The following SNX29 variants were observed in gnomAD, a reference collection of about 807,000 sequenced individuals.
SNX29 encodes the protein sorting nexin 29.
SNX29 carries 78 observed loss-of-function variants against 102.1 expected under a neutral mutation model. The observed-to-expected ratio is 0.76, with a 90% CI of 0.64 to 0.92. The LOEUF is 0.92. Among genes scored for constraint, SNX29 ranks in the 40% least tolerant of loss-of-function variants. The probability of loss-of-function intolerance (pLI) is 0.00; values close to 1 mark genes in which losing one functional copy is unlikely to be tolerated. For missense variants in SNX29, 1,280 were observed against 1,061.7 expected, an observed-to-expected ratio of 1.21 and a Z score of -2.86; for synonymous variants, 580 against 414.5, an observed-to-expected ratio of 1.40 and a Z score of -4.85.
At chr16:12,435,974 A>G (rs2085517774) in intron 18 of SNX29, among the ~76,000 whole-genome samples, 1 of 152,152 alleles carries the variant, frequency 6.6e-6, no homozygotes, top group Non-Finnish European at 1.5e-5. Flanking sequence ...CCGTAGGCCC[A>G]GGGTCTGGGC....
intron 13 of SNX29, among the ~76,000 whole-genome samples, chr16:12,146,828 C>A (rs750837518): frequency 6.6e-6 from 1 of 152,180 alleles, no homozygotes; most frequent in African/African-American, 2.4e-5. Flanking sequence ...ATGGGAGCAC[C>A]TTCTCAAACA....
intron 13 of SNX29, among the ~76,000 whole-genome samples, chr16:12,180,490 CT>C (rs895306521): frequency 4.5e-4 from 65 of 145,410 alleles, no homozygotes; most frequent in Non-Finnish European, 2.9e-4. Flanking sequence ...TTCTCTGTCT[CT>C]TTTTTTTTTT....
At chr16:12,206,049 C>A (rs556040393) in intron 14 of SNX29, among the ~76,000 whole-genome samples, 58 of 152,308 alleles carry the variant, frequency 3.8e-4, no homozygotes, top group Admixed American at 1.5e-3. Flanking sequence ...ATGTGCATCA[C>A]CCCCATGTAA....
At chr16:12,464,942 C>CTA (rs908835039) in intron 18 of SNX29, among the ~76,000 whole-genome samples, 1 of 152,202 alleles carries the variant, frequency 6.6e-6, no homozygotes, top group Non-Finnish European at 1.5e-5. Context: ...AAGGGCCATC[C>CTA]TAACAGGTGT....
At chr16:12,146,739 C>G (rs1481604603) in intron 13 of SNX29, among the ~76,000 whole-genome samples, 1 of 152,086 alleles carries the variant, frequency 6.6e-6, no homozygotes, top group Non-Finnish European at 1.5e-5. Context: ...GCTCGTTTTT[C>G]TTTTGGGATT....
intron 1 of SNX29, among the ~76,000 whole-genome samples, chr16:11,979,784 G>C (rs2150957656): frequency 6.6e-6 from 1 of 152,044 alleles, no homozygotes; most frequent in South Asian, 2.1e-4. Flanking sequence ...GAGTTTCGCT[G>C]TGTTGGCCAG....
At chr16:12,036,671 G>A (rs545946941) in intron 4 of SNX29, among the ~76,000 whole-genome samples, 22 of 152,060 alleles carry the variant, frequency 1.4e-4, no homozygotes, top group East Asian at 5.8e-4. Flanking sequence ...TTGTTGTTGA[G>A]CAATGCTTTG....
intron 20 of SNX29, among the ~76,000 whole-genome samples, chr16:12,554,651 TTG>T (rs1235967445): frequency 6.6e-6 from 1 of 152,226 alleles, no homozygotes; most frequent in African/African-American, 2.4e-5. Flanking sequence ...TTTCACCAGT[TTG>T]TGCATTTGCT....
chr16:12,368,255 A>G (rs1446263647), intron 16 of SNX29, among the ~76,000 whole-genome samples: 1 of 152,184 alleles, frequency 6.6e-6, no homozygotes, highest in Non-Finnish European at 1.5e-5. Context: ...GGAACTTTAC[A>G]CTTCCCTGAA....
At chr16:12,551,272 C>A (rs868290936) in intron 20 of SNX29, among the ~76,000 whole-genome samples, 1 of 152,160 alleles carries the variant, frequency 6.6e-6, no homozygotes, top group Non-Finnish European at 1.5e-5. Context: ...GGTTCAGACA[C>A]CGTCAAATGT....
In SNX29 at chr16:12,415,671, G is replaced by A. The variant is rs2084600927; in HGVS notation, c.2037+12142G>A. The stretch of plus-strand genomic sequence containing the variant: ...AGGATGTTACCTCCCACATCCAGGG[G>A]AGGAAGTGAGGCCTGGTGAGCGGAC... On this transcript the variant is annotated intron_variant, in intron 18 of 20. Coordinates refer to ENST00000566228, the MANE Select transcript of SNX29 (RefSeq NM_032167.5). Among the ~76,000 whole-genome samples the A allele has an allele frequency of 3.9e-5, 6 of 152,180 alleles. No homozygotes were observed. In the South Asian group the frequency reaches 1.2e-3, roughly 32 times the overall value.
chr16:12,521,446 C>G (rs1046342833), intron 19 of SNX29, among the ~76,000 whole-genome samples: 2 of 151,966 alleles, frequency 1.3e-5, no homozygotes, highest in South Asian at 2.1e-4. Flanking sequence ...AATTCTCTAA[C>G]CTTCATTTTG....
chr16:11,999,485 C>A, intron 2 of SNX29, 127 bp downstream of exon 2: 1 of 911,026 alleles, frequency 1.1e-6, no homozygotes, highest in Non-Finnish European at 1.7e-6. Flanking sequence ...GTGAAGTGAT[C>A]TACTCATTTT....
chr16:12,038,553 G>T (rs1203477057), intron 4 of SNX29, among the ~76,000 whole-genome samples: 1 of 152,186 alleles, frequency 6.6e-6, no homozygotes, highest in African/African-American at 2.4e-5. Context: ...TACGGACACC[G>T]CAGGCGCTAA....
At chr16:12,322,958 G>A (rs2080994093) in intron 15 of SNX29, among the ~76,000 whole-genome samples, 1 of 116,344 alleles carries the variant, frequency 8.6e-6, no homozygotes, top group African/African-American at 4.2e-5. Flanking sequence ...TGGAGTCACC[G>A]GGGACCACTG....
At chr16:12,175,670 C>T (rs893915643) in intron 13 of SNX29, among the ~76,000 whole-genome samples, 3 of 146,948 alleles carry the variant, frequency 2.0e-5, no homozygotes, top group Non-Finnish European at 3.0e-5. Context: ...AAAAAAAGTA[C>T]GGGGCTGTAA....
intron 9 of SNX29, among the ~76,000 whole-genome samples, chr16:12,062,726 G>T (rs562846399): frequency 6.6e-6 from 1 of 152,294 alleles, no homozygotes; most frequent in East Asian, 1.9e-4. Context: ...ATTATGACTG[G>T]AGCCCACTAA....
At chr16:12,291,849 C>G (rs2079807193) in intron 15 of SNX29, among the ~76,000 whole-genome samples, 1 of 152,170 alleles carries the variant, frequency 6.6e-6, no homozygotes, top group East Asian at 1.9e-4. Context: ...AGGTTCACTT[C>G]AGTGCTCAGT....
intron 19 of SNX29, among the ~76,000 whole-genome samples, chr16:12,482,064 TAACTC>T (rs558500543): frequency 3.9e-4 from 60 of 152,300 alleles, no homozygotes; most frequent in African/African-American, 1.4e-3. Flanking sequence ...CTGGGCCTAA[TAACTC>T]AGGACACCTG....
Sources: allele counts gnomAD v4.1 joint callset (sites outside exome capture counted in the v4.1 genomes callset), GRCh38; gene constraint gnomAD v4.1.1; transcripts MANE v1.5; gene names NCBI Gene and HGNC (gene_info 2026-07-23, HGNC 2026-07-21).